GRIK2: variants seen among roughly 807,000 people sequenced by gnomAD.
GRIK2 encodes the protein glutamate receptor ionotropic, kainate 2.
A neutral mutation model predicts 100.3 loss-of-function variants in GRIK2; 32 were observed. The ratio of observed to expected loss-of-function variants is 0.32; its 90% CI spans 0.24 to 0.43. The LOEUF is 0.43. Among genes scored for constraint, GRIK2 ranks in the 20% least tolerant of loss-of-function variants. The pLI is 1.00. For missense variants in GRIK2, 843 were observed against 1,114.9 expected (o/e 0.76, Z 3.47); for synonymous variants, 417 against 389.4 (o/e 1.07, Z -0.83).
At chr6:101,501,904 T>G (rs2128273899) in intron 2 of GRIK2, among the ~76,000 whole-genome samples, 2 of 152,178 alleles carry the variant, frequency 1.3e-5, no homozygotes, top group South Asian at 4.1e-4. Flanking sequence ...ACTACAGATG[T>G]GTGCCACCAT....
At chr6:101,900,803 T>C (rs918165133) in intron 12 of GRIK2, among the ~76,000 whole-genome samples, 3 of 152,070 alleles carry the variant, frequency 2.0e-5, no homozygotes, top group Non-Finnish European at 4.4e-5. Flanking sequence ...ATCCAGATAA[T>C]TGCATATTAG....
chr6:101,702,045 CG>C (rs1249597187), intron 7 of GRIK2, among the ~76,000 whole-genome samples: 1 of 40,188 alleles, frequency 2.5e-5, no homozygotes, highest in African/African-American at 1.1e-4. Flanking sequence ...ATTTTGACTC[CG>C]TGGTTTGGTA....
intron 2 of GRIK2, among the ~76,000 whole-genome samples, chr6:101,576,404 C>T (rs1350161527): frequency 2.0e-5 from 3 of 151,988 alleles, no homozygotes; most frequent in Non-Finnish European, 2.9e-5. Context: ...ATTGTTAAGA[C>T]ATCAAAACCT....
At chr6:101,739,274 T>C (rs1004824355) in intron 7 of GRIK2, among the ~76,000 whole-genome samples, 3 of 152,228 alleles carry the variant, frequency 2.0e-5, no homozygotes, top group Non-Finnish European at 4.4e-5. Flanking sequence ...ATAAATCACA[T>C]AGGCCCTCAG....
intron 7 of GRIK2, among the ~76,000 whole-genome samples, chr6:101,703,489 AC>A (rs1226493330): frequency 6.6e-6 from 1 of 151,806 alleles, no homozygotes; most frequent in Non-Finnish European, 1.5e-5. Context: ...ATTGTTAGCG[AC>A]CTCAATACTA....
chr6:101,448,950 G>A (rs758747988), intron 2 of GRIK2, among the ~76,000 whole-genome samples: 16 of 151,518 alleles, frequency 1.1e-4, no homozygotes, highest in Admixed American at 2.6e-4. Flanking sequence ...TTACATTATT[G>A]TTCATGGGAT....
At chr6:101,823,646 T>C (rs1003138671) in intron 10 of GRIK2, among the ~76,000 whole-genome samples, 1 of 152,136 alleles carries the variant, frequency 6.6e-6, no homozygotes, top group Admixed American at 6.6e-5. Flanking sequence ...GAGTTCCTAA[T>C]TGTCAAAAAT....
rs747321484 is a variant in GRIK2 at position 101,676,762 on chromosome 6, C to T, written c.681C>T (p.Ile227=). 4.4e-6 allele frequency: 7 copies of T among 1,607,542 alleles called. No homozygotes were observed. Among genetic ancestry groups the T allele is most frequent in the Non-Finnish European group, 3.4e-6 (4 of 1,176,792 alleles). The change falls in exon 5 of 17, where the codon ATC becomes ATT. Residue 227 remains isoleucine, a synonymous_variant. Transcript: ENST00000369134. The part of the protein sequence containing the change: ...EMKRGKEFHV[I]FDCSHEMAAG... ...AAAGAGGCAAGGAGTTTCATGTAATCTTTGATTGTAGCCATGAAATGGCAG... is the reference window on the plus strand; with the variant it reads ...AAAGAGGCAAGGAGTTTCATGTAATTTTTGATTGTAGCCATGAAATGGCAG...
At chr6:101,858,625 G>C (rs952441097) in intron 10 of GRIK2, among the ~76,000 whole-genome samples, 1 of 151,726 alleles carries the variant, frequency 6.6e-6, no homozygotes, top group East Asian at 1.9e-4. Context: ...TCCTGACCTC[G>C]TGATCTGCCC....
intron 2 of GRIK2, among the ~76,000 whole-genome samples, chr6:101,621,588 G>A (rs1582840826): frequency 6.6e-6 from 1 of 151,940 alleles, no homozygotes; most frequent in Non-Finnish European, 1.5e-5. Context: ...CAAATTTTGG[G>A]GGGGATAAAT....
intron 2 of GRIK2, among the ~76,000 whole-genome samples, chr6:101,614,662 A>G (rs984004245): frequency 4.0e-5 from 6 of 151,736 alleles, no homozygotes; most frequent in African/African-American, 1.4e-4. Context: ...ATGCAGAGGA[A>G]CCTTTTGCAA....
chr6:101,786,168 A>C (rs1419335376), intron 7 of GRIK2, among the ~76,000 whole-genome samples: 2 of 152,074 alleles, frequency 1.3e-5, no homozygotes, highest in Admixed American at 1.3e-4. Flanking sequence ...TTTGTGTTCT[A>C]CAACTTTACT....
chr6:101,818,569 A>T (rs945313739), intron 10 of GRIK2, 86 bp downstream of exon 10: 2 of 712,440 alleles, frequency 2.8e-6, no homozygotes, highest in East Asian at 2.7e-5. Context: ...TGGAACAGCA[A>T]TGAACAGAAT....
intron 7 of GRIK2, among the ~76,000 whole-genome samples, chr6:101,793,470 C>A (rs970685352): frequency 6.6e-6 from 1 of 152,148 alleles, no homozygotes; most frequent in Non-Finnish European, 1.5e-5. Context: ...GCTAGAGGAC[C>A]ACTCCAGACC....
chr6:102,041,365 C>G (rs898892123), intron 15 of GRIK2, among the ~76,000 whole-genome samples: 1 of 151,608 alleles, frequency 6.6e-6, no homozygotes, highest in African/African-American at 2.4e-5. Flanking sequence ...TACTTTAGAT[C>G]AGTTAGCCAC....
chr6:101,545,678 C>T (rs914730921), intron 2 of GRIK2, among the ~76,000 whole-genome samples: 5 of 152,064 alleles, frequency 3.3e-5, no homozygotes, highest in Non-Finnish European at 7.4e-5. Context: ...TTATTTCATA[C>T]AAGCAACTTT....
intron 2 of GRIK2, among the ~76,000 whole-genome samples, chr6:101,400,315 T>TGGTCAGAG (rs1376785380): frequency 2.0e-5 from 3 of 152,186 alleles, no homozygotes; most frequent in African/African-American, 7.2e-5. Context: ...GTGGAAACCC[T>TGGTCAGAG]GGTCAGAGGG....
intron 13 of GRIK2, among the ~76,000 whole-genome samples, chr6:101,925,058 AAT>A (rs1221699986): frequency 9.2e-5 from 14 of 152,178 alleles, no homozygotes; most frequent in Admixed American, 6.6e-5. Context: ...TTGAGACAAG[AAT>A]ACAGTGTTAT....
At chr6:101,912,280 C>T (rs1475921) in intron 12 of GRIK2, among the ~76,000 whole-genome samples, 129,428 of 151,242 alleles carry the variant, frequency 0.86, 55,540 homozygotes, top group East Asian at 0.94. Context: ...AGAGGAAGAG[C>T]AGAACCTTTA....
Sources: gnomAD v4.1 joint callset for allele counts (sites outside exome capture counted in the v4.1 genomes callset) on GRCh38, gnomAD v4.1.1 for gene constraint, MANE v1.5 for transcripts, NCBI Gene and HGNC (gene_info 2026-07-23, HGNC 2026-07-21) for gene names.